Variants in RASEF observed in about 807,000 individuals in gnomAD.
The protein encoded by RASEF is ras and EF-hand domain-containing protein.
In RASEF, 68 loss-of-function variants were observed where a neutral mutation model predicts 90.1. The ratio of observed to expected loss-of-function variants is 0.75; its 90% CI spans 0.62 to 0.92. RASEF has a LOEUF of 0.92. Among genes scored for constraint, RASEF ranks in the 40% least tolerant of loss-of-function variants. RASEF has a pLI of 0.00. For missense variants in RASEF, 949 were observed against 937.2 expected, an observed-to-expected ratio of 1.01 and a Z score of -0.16; for synonymous variants, 331 against 345.2, an observed-to-expected ratio of 0.96 and a Z score of 0.46.
chr9:83,137,665 T>C, the RASEF span, among the ~76,000 whole-genome samples: 6 of 152,170 alleles, frequency 3.9e-5, no homozygotes, highest in South Asian at 1.0e-3. Context: ...AAAGTCTTTT[T>C]ATCAGAATTA....
chr9:83,184,835 C>A, the RASEF span, among the ~76,000 whole-genome samples: 11 of 151,046 alleles, frequency 7.3e-5, no homozygotes, highest in South Asian at 2.1e-4. Context: ...AAAAAAAATT[C>A]TTCACTGGTT....
At chr9:83,210,302 A>G in the RASEF span, among the ~76,000 whole-genome samples, 1 of 152,230 alleles carries the variant, frequency 6.6e-6, no homozygotes, top group Non-Finnish European at 1.5e-5. Context: ...GAGCAATTCT[A>G]GTACATTTTA....
In RASEF at chr9:83,000,684, C is replaced by T. The variant is rs1400059245; in HGVS notation, c.1438-114G>A. On this transcript the variant is annotated intron_variant, in intron 10 of 16. Coordinates refer to ENST00000376447, the MANE Select transcript of RASEF (RefSeq NM_152573.4). ...GAAGAAAACTATGCAGCTAAATCAA[C>T]AGTCAATGCTATTAATATTAGGGAA... The T allele has an allele frequency of 4.0e-6, 4 of 989,638 alleles. No individual in the cohort carries two copies. In the Admixed American group the frequency reaches 8.5e-5, roughly 21 times the overall value. The allele number at this position is 989,638 out of a possible 1,614,324, so 61.3% of individuals were successfully genotyped here.
chr9:83,140,270 A>G, the RASEF span, among the ~76,000 whole-genome samples: 9 of 152,330 alleles, frequency 5.9e-5, no homozygotes, highest in African/African-American at 2.2e-4. Context: ...AGGTCAAGCC[A>G]TATACAGGTG....
the RASEF span, among the ~76,000 whole-genome samples, chr9:83,206,040 TA>T: frequency 2.0e-5 from 3 of 152,178 alleles, no homozygotes; most frequent in Non-Finnish European, 4.4e-5. Flanking sequence ...TTAATTGCAC[TA>T]AAAAAGGCAT....
Position 82,979,645 on chromosome 9 carries a change from TAGAC to T in RASEF, c.*3028_*3031del, listed in dbSNP as rs773483706. 2.0e-4 allele frequency: 30 copies of T among 152,264 alleles called. No individual in the cohort carries two copies. The highest frequency in any genetic ancestry group is 3.4e-4 in the Non-Finnish European group (23 of 68,052). The allele number at this position is 152,264 out of a possible 1,614,324, so 9.4% of individuals were successfully genotyped here. A position where few individuals can be genotyped will look rare whatever the true frequency, so the allele number is the denominator to read the frequency against. On this transcript the variant is annotated 3_prime_UTR_variant, in exon 17 of 17. Coordinates refer to ENST00000376447, the MANE Select transcript of RASEF (RefSeq NM_152573.4). Reference sequence around the variant, plus strand: ...AACGTAGAAAATATTTGTAGTTCCTTAGACATTTGCATTGCTATAAAAATTACAC... The same window carrying T: ...AACGTAGAAAATATTTGTAGTTCCTTATTTGCATTGCTATAAAAATTACAC...
At chr9:83,203,244 T>C in the RASEF span, among the ~76,000 whole-genome samples, 2 of 152,054 alleles carry the variant, frequency 1.3e-5, no homozygotes, top group African/African-American at 2.4e-5. Context: ...GTCTTGCCCT[T>C]GTAGACCCTC....
At chr9:83,188,311 C>A in the RASEF span, among the ~76,000 whole-genome samples, 39 of 152,192 alleles carry the variant, frequency 2.6e-4, no homozygotes, top group Non-Finnish European at 5.0e-4. Flanking sequence ...TTTCTTTAGA[C>A]AAAAGAAAAA....
intron 1 of RASEF, among the ~76,000 whole-genome samples, chr9:83,044,492 G>A (rs1829894039): frequency 6.6e-6 from 1 of 152,002 alleles, no homozygotes; most frequent in South Asian, 2.1e-4. Context: ...TGTAGGGCAA[G>A]CCTTTTCTTG....
chr9:83,116,894 A>G, the RASEF span, among the ~76,000 whole-genome samples: 1 of 152,188 alleles, frequency 6.6e-6, no homozygotes. Flanking sequence ...AAGTTGACCA[A>G]TTACTTTCGT....
intron 1 of RASEF, among the ~76,000 whole-genome samples, chr9:83,026,752 T>C (rs963026202): frequency 1.3e-5 from 2 of 152,204 alleles, no homozygotes; most frequent in Non-Finnish European, 2.9e-5. Flanking sequence ...TTTTTATATA[T>C]ATTTGCATTG....
At chr9:83,127,112 T>C in the RASEF span, among the ~76,000 whole-genome samples, 4 of 152,216 alleles carry the variant, frequency 2.6e-5, no homozygotes, top group Non-Finnish European at 5.9e-5. Context: ...TAGTAATATA[T>C]GGGCATCTTT....
intron 1 of RASEF, among the ~76,000 whole-genome samples, chr9:83,052,547 G>T (rs1830037387): frequency 8.0e-5 from 2 of 25,116 alleles, no homozygotes; most frequent in African/African-American, 2.0e-4. Flanking sequence ...ATTTCCTTCA[G>T]TTCTGCTCTG....
At chr9:83,135,609 C>T in the RASEF span, among the ~76,000 whole-genome samples, 1 of 151,892 alleles carries the variant, frequency 6.6e-6, no homozygotes, top group Non-Finnish European at 1.5e-5. Flanking sequence ...CCCATAAATC[C>T]AAGACATAAA....
chr9:83,084,321 T>C, the RASEF span, among the ~76,000 whole-genome samples: 2 of 152,212 alleles, frequency 1.3e-5, no homozygotes, highest in South Asian at 2.1e-4. Flanking sequence ...CAGGGTTTAA[T>C]TTATATTTAA....
rs764357979 is a variant in RASEF at position 83,062,690 on chromosome 9, C to T, written c.178G>A (p.Gly60Ser). ...VFQRLDADRD[G>S]AITFQEFARG... ...GCGAACTCCTGGAAGGTGATGGCGC[C>T]GTCACGGTCGGCGTCCAGCCGCTGG... Residue 60 changes from glycine to serine, a missense_variant, in exon 1 of 17, where the codon GGC (glycine) becomes AGC (serine). Gly to Ser is a moderately conservative substitution (Grantham distance 56). Transcript: ENST00000376447. 6.3e-6 allele frequency: 10 copies of T among 1,574,806 alleles called. No homozygotes were observed. Among genetic ancestry groups the T allele is most frequent in the South Asian group, 1.1e-5 (1 of 87,628 alleles).
At chr9:83,152,973 T>C in the RASEF span, among the ~76,000 whole-genome samples, 1 of 152,216 alleles carries the variant, frequency 6.6e-6, no homozygotes, top group Non-Finnish European at 1.5e-5. Flanking sequence ...GAACTTTGTA[T>C]GGCAATGTCT....
the RASEF span, among the ~76,000 whole-genome samples, chr9:83,148,924 T>A: frequency 6.6e-6 from 1 of 152,110 alleles, no homozygotes; most frequent in South Asian, 2.1e-4. Flanking sequence ...CTGAAGAACA[T>A]CCCTGCATTG....
At chr9:83,083,337 T>C in the RASEF span, among the ~76,000 whole-genome samples, 4 of 152,178 alleles carry the variant, frequency 2.6e-5, no homozygotes, top group Admixed American at 6.6e-5. Context: ...AGAATGTATG[T>C]ATCACTATAA....
Sources: gnomAD v4.1 joint callset for allele counts (sites outside exome capture counted in the v4.1 genomes callset) on GRCh38, gnomAD v4.1.1 for gene constraint, MANE v1.5 for transcripts, NCBI Gene and HGNC (gene_info 2026-07-23, HGNC 2026-07-21) for gene names.